The following ARHGAP26 variants were observed in gnomAD, a reference collection of about 807,000 sequenced individuals.
The protein encoded by ARHGAP26 is Rho GTPase activating protein 26.
In ARHGAP26, 38 loss-of-function variants were observed where a neutral mutation model predicts 104.8. That is an observed-to-expected ratio of 0.36 (90% CI 0.28 to 0.48). The LOEUF is 0.48. Among genes scored for constraint, ARHGAP26 ranks in the 20% least tolerant of loss-of-function variants. The pLI is 0.99. For missense variants in ARHGAP26, 704 were observed against 947.9 expected (o/e 0.74, Z 3.38); for synonymous variants, 341 against 340.0 (o/e 1.00, Z -0.03).
At chr5:143,134,155 C>A in intron 19 of ARHGAP26, 50 bp downstream of exon 19, 1 of 1,560,818 alleles carries the variant, frequency 6.4e-7, no homozygotes, top group Non-Finnish European at 8.7e-7. Context: ...ACATCCCATG[C>A]TACCTGCACG....
At chr5:143,155,095 G>A (rs961812971) in intron 20 of ARHGAP26, among the ~76,000 whole-genome samples, 15 of 152,118 alleles carry the variant, frequency 9.9e-5, no homozygotes, top group African/African-American at 2.9e-4. Flanking sequence ...TCTTCAGACC[G>A]ATTTGCCTGA....
At chr5:143,127,606 T>C (rs3797074) in intron 18 of ARHGAP26, among the ~76,000 whole-genome samples, 17,440 of 152,152 alleles carry the variant, frequency 0.11, 1,149 homozygotes, top group East Asian at 0.21. Flanking sequence ...AAGCACTAAA[T>C]CCTAAGCAAC....
At chr5:143,134,711 G>C (rs1285586815) in intron 19 of ARHGAP26, among the ~76,000 whole-genome samples, 1 of 152,242 alleles carries the variant, frequency 6.6e-6, no homozygotes, top group Non-Finnish European at 1.5e-5. Context: ...CAGGATTTCT[G>C]AGTTCTTTGC....
chr5:142,883,295 G>A lies in ARHGAP26; in HGVS notation c.385-2003G>A, dbSNP rs567952642. ...GTTGCTGATAAGGCTGGTGGGAGCG[G>A]ATACATGTGAGCAGCATTTGGAGTT... On this transcript the variant is annotated intron_variant, in intron 4 of 22. Coordinates refer to ENST00000645722, the MANE Select transcript of ARHGAP26 (RefSeq NM_001135608.3). Among the ~76,000 whole-genome samples, 3 of 152,288 alleles carry A rather than the reference G, an allele frequency of 2.0e-5. No homozygotes were observed. The East Asian group carries it at 5.8e-4, about 29-fold the overall frequency.
chr5:143,024,060 A>G (rs1015192942), intron 12 of ARHGAP26, among the ~76,000 whole-genome samples: 1 of 152,248 alleles, frequency 6.6e-6, no homozygotes, highest in Non-Finnish European at 1.5e-5. Context: ...GCTGTGGTGC[A>G]TTGAGCTTGA....
intron 11 of ARHGAP26, among the ~76,000 whole-genome samples, chr5:142,992,991 AT>A (rs935946046): frequency 7.3e-5 from 11 of 150,578 alleles, no homozygotes; most frequent in Non-Finnish European, 1.6e-4. Context: ...TTTTATTTTT[AT>A]TTTTTTTGAG....
intron 10 of ARHGAP26, among the ~76,000 whole-genome samples, chr5:142,919,602 C>T (rs878976805): frequency 2.6e-5 from 4 of 152,172 alleles, no homozygotes; most frequent in Admixed American, 2.6e-4. Context: ...CAAGGAACCC[C>T]ACTTCACAAA....
intron 20 of ARHGAP26, among the ~76,000 whole-genome samples, chr5:143,157,228 G>A (rs1800590659): frequency 1.3e-5 from 2 of 150,784 alleles, no homozygotes; most frequent in South Asian, 4.2e-4. Context: ...CCAGGCTGGA[G>A]GTCAGTGGTG....
intron 17 of ARHGAP26, among the ~76,000 whole-genome samples, chr5:143,071,404 G>T (rs10477200): frequency 0.038 from 5,742 of 152,246 alleles, 317 homozygotes; most frequent in African/African-American, 0.12. Flanking sequence ...AAATGGTACT[G>T]GGAAAACTGG....
intron 1 of ARHGAP26, among the ~76,000 whole-genome samples, chr5:142,863,749 C>T (rs1597972368): frequency 6.6e-6 from 1 of 152,216 alleles, no homozygotes; most frequent in Admixed American, 6.5e-5. Context: ...CTCTCGGGCT[C>T]CCAGGCCTGC....
chr5:142,789,183 C>A (rs1759280120), intron 1 of ARHGAP26, among the ~76,000 whole-genome samples: 1 of 152,160 alleles, frequency 6.6e-6, no homozygotes, highest in South Asian at 2.1e-4. Flanking sequence ...GTAGCACGTG[C>A]AAAGCAGCAG....
chr5:142,916,450 C>T (rs959519746), intron 10 of ARHGAP26, among the ~76,000 whole-genome samples: 1 of 152,166 alleles, frequency 6.6e-6, no homozygotes, highest in Admixed American at 6.5e-5. Flanking sequence ...CCACACAGTT[C>T]GACTTTCTGG....
intron 17 of ARHGAP26, among the ~76,000 whole-genome samples, chr5:143,099,014 C>A (rs1226210599): frequency 6.6e-6 from 1 of 152,066 alleles, no homozygotes; most frequent in Non-Finnish European, 1.5e-5. Context: ...CAATGAAAGA[C>A]ACAATGCTGA....
At chr5:143,024,661 GT>G (rs1016699010) in intron 12 of ARHGAP26, among the ~76,000 whole-genome samples, 41 of 152,176 alleles carry the variant, frequency 2.7e-4, no homozygotes, top group African/African-American at 8.7e-4. Context: ...CTTGATATAC[GT>G]TATGTCATTT....
intron 1 of ARHGAP26, among the ~76,000 whole-genome samples, chr5:142,859,205 G>T (rs1752903389): frequency 6.6e-6 from 1 of 152,144 alleles, no homozygotes. Flanking sequence ...AGGGAAGCGG[G>T]GAGGCCAATT....
Position 142,885,321 on chromosome 5 carries a change from A to G in ARHGAP26, c.408A>G (p.Lys136=), listed in dbSNP as rs758504899. The change falls in exon 5 of 23, where the codon AAA becomes AAG. Residue 136 remains lysine (K), a synonymous_variant. Coordinates refer to ENST00000645722, the MANE Select transcript of ARHGAP26 (RefSeq NM_001135608.3). ...AGGAAGCCAAAAAGAAGTATGACAAAGAGACAGAAAAGTATTGTGGCATCT... is the reference window on the plus strand; with the variant it reads ...AGGAAGCCAAAAAGAAGTATGACAAGGAGACAGAAAAGTATTGTGGCATCT... The part of the protein sequence containing the change: ...AAKEAKKKYD[K]ETEKYCGILE... 1.9e-6 allele frequency: 3 copies of G among 1,613,802 alleles called. No individual in the cohort carries two copies. The highest frequency in any genetic ancestry group is 2.5e-6 in the Non-Finnish European group (3 of 1,179,768).
chr5:143,023,509 G>A (rs1002977895), intron 12 of ARHGAP26, among the ~76,000 whole-genome samples: 1 of 152,162 alleles, frequency 6.6e-6, no homozygotes, highest in African/African-American at 2.4e-5. Flanking sequence ...GCAGCAGAGG[G>A]CAGAAAAGAG....
At chr5:143,203,235 AC>A (rs1487954779) in intron 20 of ARHGAP26, 1 of 152,154 alleles carries the variant, frequency 6.6e-6, no homozygotes, top group Admixed American at 6.6e-5. Flanking sequence ...AGAAAAAAAA[AC>A]AACCCCATCA....
intron 9 of ARHGAP26, among the ~76,000 whole-genome samples, chr5:142,910,376 C>A (rs1305327573): frequency 3.9e-5 from 6 of 152,200 alleles, no homozygotes; most frequent in Non-Finnish European, 1.5e-5. Context: ...TGAGGACTGG[C>A]TGTCTAGAGG....
Sources: gnomAD v4.1 joint callset for allele counts (sites outside exome capture counted in the v4.1 genomes callset) on GRCh38, gnomAD v4.1.1 for gene constraint, MANE v1.5 for transcripts, NCBI Gene and HGNC (gene_info 2026-07-23, HGNC 2026-07-21) for gene names.